Variants in SMYD3 observed in about 807,000 individuals in gnomAD.
The protein encoded by SMYD3 is histone-lysine N-methyltransferase SMYD3.
A neutral mutation model predicts 57.7 loss-of-function variants in SMYD3; 36 were observed. That is an observed-to-expected ratio of 0.62 (90% CI 0.48 to 0.82). SMYD3 has a LOEUF of 0.82. SMYD3 is among the 40% of genes least tolerant of loss of function. The pLI is 0.00. For synonymous variants in SMYD3, 211 were observed against 195.0 expected (o/e 1.08, Z -0.68); for missense variants, 515 against 538.8 (o/e 0.96, Z 0.44).
chr1:246,371,668 G>A (rs186055548), intron 1 of SMYD3, among the ~76,000 whole-genome samples: 3 of 152,246 alleles, frequency 2.0e-5, no homozygotes, highest in Non-Finnish European at 2.9e-5. Flanking sequence ...ATACTATGAC[G>A]TAAGCCTTCA....
intron 5 of SMYD3, among the ~76,000 whole-genome samples, chr1:246,188,375 TGCC>T (rs2062678407): frequency 1.3e-5 from 2 of 152,180 alleles, no homozygotes; most frequent in East Asian, 3.8e-4. Context: ...GCCTAGACAA[TGCC>T]TAATGGAGCC....
At chr1:245,914,771 A>T (rs982741808) in intron 8 of SMYD3, among the ~76,000 whole-genome samples, 1 of 152,224 alleles carries the variant, frequency 6.6e-6, no homozygotes, top group Admixed American at 6.5e-5. Context: ...AAGAAATGAT[A>T]AATATATGAG....
intron 5 of SMYD3, among the ~76,000 whole-genome samples, chr1:245,938,113 G>A (rs77589981): frequency 6.6e-6 from 1 of 152,232 alleles, no homozygotes; most frequent in Non-Finnish European, 1.5e-5. Flanking sequence ...TAGAAATTAA[G>A]GTGAATATTC....
At chr1:245,814,160 G>A (rs901243702) in intron 10 of SMYD3, among the ~76,000 whole-genome samples, 16 of 152,002 alleles carry the variant, frequency 1.1e-4, no homozygotes, top group Non-Finnish European at 1.8e-4. Flanking sequence ...AGCCTGGGAG[G>A]AAAACGTGAC....
At chr1:245,783,779 G>A (rs910924601) in intron 10 of SMYD3, among the ~76,000 whole-genome samples, 1 of 152,044 alleles carries the variant, frequency 6.6e-6, no homozygotes, top group Non-Finnish European at 1.5e-5. Flanking sequence ...AAAAAACACA[G>A]TAACACAAAA....
chr1:245,782,029 C>T (rs1362636928), intron 10 of SMYD3, among the ~76,000 whole-genome samples: 8 of 152,156 alleles, frequency 5.3e-5, no homozygotes, highest in South Asian at 2.1e-4. Flanking sequence ...CTGATACCTA[C>T]GCATTCAGAG....
rs181028079 is a variant in SMYD3, at chr1:245,955,782, G to T, written c.532-25845C>A. 2.1e-3 allele frequency: 500 copies of T among 240,160 alleles called. 2 individuals are homozygous for T. Among genetic ancestry groups the T allele is most frequent in the African/African-American group, 0.011 (478 of 43,088 alleles). 14.9% of individuals were successfully genotyped at this position (240,160 alleles called of 1,614,324 possible). A position where few individuals can be genotyped will look rare whatever the true frequency, so the allele number is the denominator to read the frequency against. On this transcript the variant is annotated intron_variant, in intron 5 of 11. Transcript: ENST00000490107. Reference sequence around the variant, plus strand: ...GAATGTATCCCCCATGGATAAGGAGGCACTAAGCAACATATTGTATGTTTA... The same window carrying T: ...GAATGTATCCCCCATGGATAAGGAGTCACTAAGCAACATATTGTATGTTTA...
intron 5 of SMYD3, among the ~76,000 whole-genome samples, chr1:246,190,066 G>T (rs1001228501): frequency 3.3e-5 from 5 of 152,160 alleles, no homozygotes; most frequent in African/African-American, 1.2e-4. Context: ...GGATCTCAAA[G>T]GAAAGGTAAT....
At chr1:245,903,464 C>T (rs2054330215) in intron 8 of SMYD3, among the ~76,000 whole-genome samples, 1 of 152,164 alleles carries the variant, frequency 6.6e-6, no homozygotes, top group Non-Finnish European at 1.5e-5. Context: ...CCCACCCCCA[C>T]AAGGACACCA....
intron 5 of SMYD3, among the ~76,000 whole-genome samples, chr1:246,127,408 A>G (rs1442619922): frequency 6.6e-6 from 1 of 152,208 alleles, no homozygotes; most frequent in Non-Finnish European, 1.5e-5. Flanking sequence ...ATGATACTGC[A>G]TTGGAAAGTT....
At chr1:246,365,906 G>C (rs565521560) in intron 1 of SMYD3, among the ~76,000 whole-genome samples, 13 of 152,266 alleles carry the variant, frequency 8.5e-5, no homozygotes, top group African/African-American at 3.1e-4. Flanking sequence ...ACCTCTTTAA[G>C]ATGAATTCCC....
At chr1:245,872,339 A>T (rs1370789993) in intron 8 of SMYD3, among the ~76,000 whole-genome samples, 1 of 152,190 alleles carries the variant, frequency 6.6e-6, no homozygotes, top group South Asian at 2.1e-4. Context: ...GCAAGAGCCC[A>T]AAGTTCCCGC....
chr1:246,321,011 T>C (rs1423310878), intron 5 of SMYD3, among the ~76,000 whole-genome samples: 1 of 152,264 alleles, frequency 6.6e-6, no homozygotes, highest in Non-Finnish European at 1.5e-5. Context: ...ACTACTTTGA[T>C]ACCATGGAGT....
rs150850396 is a variant in SMYD3 at position 245,931,005 on chromosome 1, G to A, written c.532-1068C>T. On this transcript the variant is annotated intron_variant, in intron 5 of 11. Coordinates refer to ENST00000490107, the MANE Select transcript of SMYD3 (RefSeq NM_001167740.2). ...CGAAGGCCCTACGCTAGGAATGCCC[G>A]TGGTAACAGAGGAACAGCAAAGAGG... Among the ~76,000 whole-genome samples, 487 of 152,304 alleles carry A rather than the reference G, an allele frequency of 3.2e-3. 1 individual carries two copies. The highest frequency in any genetic ancestry group is 0.011 in the African/African-American group (464 of 41,578).
intron 1 of SMYD3, among the ~76,000 whole-genome samples, chr1:246,394,186 A>G (rs1157451778): frequency 1.1e-4 from 17 of 152,230 alleles, no homozygotes; most frequent in Non-Finnish European, 2.9e-5. Flanking sequence ...ATATTAGGCA[A>G]ACTAACTCAT....
At chr1:245,906,725 A>T (rs949583222) in intron 8 of SMYD3, among the ~76,000 whole-genome samples, 1 of 152,232 alleles carries the variant, frequency 6.6e-6, no homozygotes, top group African/African-American at 2.4e-5. Flanking sequence ...ACAATAGCTA[A>T]GATTTGGAAG....
intron 1 of SMYD3, among the ~76,000 whole-genome samples, chr1:246,462,257 C>A (rs866139985): frequency 0.026 from 1,562 of 59,202 alleles, 22 homozygotes; most frequent in Non-Finnish European, 0.046. Context: ...GGGTACAGTG[C>A]ATCCTCCCGC....
At chr1:245,817,428 A>G (rs1462392816) in intron 10 of SMYD3, among the ~76,000 whole-genome samples, 1 of 150,166 alleles carries the variant, frequency 6.7e-6, no homozygotes, top group African/African-American at 2.5e-5. Flanking sequence ...AAAAGTAGAT[A>G]AAACCACAAA....
chr1:245,891,239 CAAAAG>C (rs1325779064), intron 8 of SMYD3, among the ~76,000 whole-genome samples: 1 of 152,088 alleles, frequency 6.6e-6, no homozygotes, highest in Admixed American at 6.5e-5. Flanking sequence ...ATTTGTACCA[CAAAAG>C]AAATGATAAA....
Sources: allele counts gnomAD v4.1 joint callset (sites outside exome capture counted in the v4.1 genomes callset), GRCh38; gene constraint gnomAD v4.1.1; transcripts MANE v1.5; gene names NCBI Gene and HGNC (gene_info 2026-07-23, HGNC 2026-07-21).